The following NFIB variants were observed in gnomAD, a reference collection of about 807,000 sequenced individuals.
NFIB encodes the protein nuclear factor 1 B-type.
In NFIB, 11 loss-of-function variants were observed where a neutral mutation model predicts 61.5. The ratio of observed to expected loss-of-function variants is 0.18; its 90% CI spans 0.11 to 0.30. NFIB has a LOEUF of 0.30. Ranked by LOEUF, NFIB falls within the 10% of genes least tolerant of loss-of-function variation. NFIB has a pLI of 1.00. For missense variants in NFIB, 471 were observed against 608.9 expected, an observed-to-expected ratio of 0.77 and a Z score of 2.38; for synonymous variants, 260 against 216.5, an observed-to-expected ratio of 1.20 and a Z score of -1.76.
At chr9:14,172,664 G>A (rs1419664715) in intron 3 of NFIB, among the ~76,000 whole-genome samples, 1 of 151,998 alleles carries the variant, frequency 6.6e-6, no homozygotes, top group African/African-American at 2.4e-5. Context: ...GAAAGCATCT[G>A]TTTCTTTTGC....
intron 2 of NFIB, among the ~76,000 whole-genome samples, chr9:14,215,584 C>T (rs2050772106): frequency 6.6e-6 from 1 of 152,146 alleles, no homozygotes; most frequent in African/African-American, 2.4e-5. Flanking sequence ...AAAAAAACTA[C>T]TACTTAAAAA....
intron 7 of NFIB, 44 bp downstream of exon 7, chr9:14,125,588 A>G (rs771929995): frequency 6.2e-7 from 1 of 1,610,288 alleles, no homozygotes; most frequent in Admixed American, 1.7e-5. Context: ...GTTAGGCCCT[A>G]CAGACAAGAA....
the NFIB span, among the ~76,000 whole-genome samples, chr9:14,528,983 A>G: frequency 0.058 from 8,753 of 152,204 alleles, 388 homozygotes; most frequent in East Asian, 0.17. Flanking sequence ...TGCTTACGCG[A>G]TTTTTCTCCT....
intron 10 of NFIB, among the ~76,000 whole-genome samples, chr9:14,103,797 A>T (rs1451296498): frequency 1.3e-5 from 2 of 152,216 alleles, no homozygotes; most frequent in African/African-American, 4.8e-5. Flanking sequence ...GATTTAAAGA[A>T]CTGAAAAAAA....
intron 1 of NFIB, among the ~76,000 whole-genome samples, chr9:14,347,543 T>G (rs2061041566): frequency 1.3e-5 from 2 of 151,742 alleles, no homozygotes; most frequent in Non-Finnish European, 2.9e-5. Context: ...AAGCTAACAG[T>G]GCTGGGGCGG....
chr9:14,526,835 G>C, the NFIB span, among the ~76,000 whole-genome samples: 6 of 152,278 alleles, frequency 3.9e-5, no homozygotes, highest in Admixed American at 6.5e-5. Flanking sequence ...AGATAGAAGA[G>C]ATAACTCTCC....
the NFIB span, among the ~76,000 whole-genome samples, chr9:14,504,576 T>C: frequency 6.6e-6 from 1 of 152,196 alleles, no homozygotes; most frequent in African/African-American, 2.4e-5. Flanking sequence ...AAGTATTTTA[T>C]TTATTTTTTT....
At chr9:14,369,556 A>G (rs188712725) in intron 1 of NFIB, among the ~76,000 whole-genome samples, 26 of 152,030 alleles carry the variant, frequency 1.7e-4, no homozygotes, top group African/African-American at 5.5e-4. Flanking sequence ...GAACTCCTCA[A>G]TCAGCCCCAC....
intron 1 of NFIB, chr9:14,361,344 G>A (rs1054778222): frequency 1.3e-5 from 2 of 151,842 alleles, no homozygotes; most frequent in African/African-American, 4.8e-5. Context: ...ACTGGCATCA[G>A]TAAACTAACA....
the NFIB span, among the ~76,000 whole-genome samples, chr9:14,482,175 G>C: frequency 6.8e-6 from 1 of 147,882 alleles, no homozygotes; most frequent in Admixed American, 7.1e-5. Flanking sequence ...TAACAAATTA[G>C]TTTTCTTAGT....
intron 3 of NFIB, among the ~76,000 whole-genome samples, chr9:14,163,333 T>G (rs554967689): frequency 1.3e-5 from 2 of 152,006 alleles, no homozygotes; most frequent in Non-Finnish European, 2.9e-5. Flanking sequence ...GTATATGGAC[T>G]GAATTTTCCC....
intron 1 of NFIB, among the ~76,000 whole-genome samples, chr9:14,335,010 A>G (rs752773692): frequency 7.7e-4 from 118 of 152,308 alleles, no homozygotes; most frequent in East Asian, 7.7e-4. Flanking sequence ...TGTTGTAACA[A>G]TAGTTCATTT....
At chr9:14,405,094 C>T in the NFIB span, among the ~76,000 whole-genome samples, 10 of 152,308 alleles carry the variant, frequency 6.6e-5, no homozygotes, top group South Asian at 2.1e-3. Context: ...AAATAGATAT[C>T]ACTTCAGGTC....
chr9:14,241,913 T>C (rs2054400190), intron 2 of NFIB, among the ~76,000 whole-genome samples: 2 of 152,172 alleles, frequency 1.3e-5, no homozygotes, highest in African/African-American at 2.4e-5. Flanking sequence ...TCTAGATTCT[T>C]TATATACATA....
chr9:14,275,598 G>A (rs2057944811), intron 2 of NFIB, among the ~76,000 whole-genome samples: 1 of 151,902 alleles, frequency 6.6e-6, no homozygotes, highest in South Asian at 2.1e-4. Flanking sequence ...TCACACCCAG[G>A]GGCTTATATC....
chr9:14,260,501 G>A (rs1033234016), intron 2 of NFIB, among the ~76,000 whole-genome samples: 1 of 152,186 alleles, frequency 6.6e-6, no homozygotes, highest in African/African-American at 2.4e-5. Context: ...CTCCAGGAAG[G>A]ATTGTCTAAC....
the NFIB span, among the ~76,000 whole-genome samples, chr9:14,429,884 A>T: frequency 6.6e-6 from 1 of 152,314 alleles, no homozygotes; most frequent in Non-Finnish European, 1.5e-5. Flanking sequence ...GAAAAAAACC[A>T]CTTATTCTTC....
At chr9:14,455,383 G>A in the NFIB span, among the ~76,000 whole-genome samples, 1 of 152,156 alleles carries the variant, frequency 6.6e-6, no homozygotes, top group Non-Finnish European at 1.5e-5. Context: ...AGTGGTTCAT[G>A]GAAGGGAGGG....
At chr9:14,509,262 T>C in the NFIB span, among the ~76,000 whole-genome samples, 3 of 151,828 alleles carry the variant, frequency 2.0e-5, no homozygotes, top group Non-Finnish European at 2.9e-5. Context: ...GCTAATTAAT[T>C]GGAAGTTTAG....
Sources: allele counts gnomAD v4.1 joint callset (sites outside exome capture counted in the v4.1 genomes callset), GRCh38; gene constraint gnomAD v4.1.1; transcripts MANE v1.5; gene names NCBI Gene and HGNC (gene_info 2026-07-23, HGNC 2026-07-21).